Variants in STK3 observed in about 807,000 individuals in gnomAD.
STK3 encodes the protein serine/threonine kinase 3.
Under a neutral mutation model 58.0 loss-of-function variants are expected in STK3, and 41 were observed. That is an observed-to-expected ratio of 0.71 (90% CI 0.55 to 0.92). STK3 has a LOEUF of 0.92. Among genes scored for constraint, STK3 ranks in the 40% least tolerant of loss-of-function variants. The pLI, the probability that STK3 is intolerant of heterozygous loss-of-function variation, is 0.00. For synonymous variants in STK3, 170 were observed against 191.0 expected, an observed-to-expected ratio of 0.89 and a Z score of 0.91; for missense variants, 479 against 602.7, an observed-to-expected ratio of 0.79 and a Z score of 2.15.
chr8:98,654,148 A>C (rs932219018), intron 6 of STK3, among the ~76,000 whole-genome samples: 77 of 152,284 alleles, frequency 5.1e-4, no homozygotes, highest in Admixed American at 3.1e-3. Flanking sequence ...ATCAAGTTGG[A>C]TTCATCCCTG....
chr8:98,709,758 C>G (rs1826250255), intron 4 of STK3, among the ~76,000 whole-genome samples: 1 of 152,088 alleles, frequency 6.6e-6, no homozygotes. Flanking sequence ...ATAAAACACA[C>G]AACTAATATG....
chr8:98,609,930 G>A lies in STK3; in HGVS notation c.685-13761C>T, dbSNP rs185473170. ...AGCCGAGATCAGAGATCGCACCACC[G>A]CACTCCAGCCTGGGTGACACAGTGA... is the stretch of plus-strand genomic sequence containing the variant. On this transcript the variant is annotated intron_variant, in intron 6 of 10. Coordinates refer to ENST00000419617, the MANE Select transcript of STK3 (RefSeq NM_006281.4). Among the ~76,000 whole-genome samples, 1,264 of 149,550 alleles carry A rather than the reference G, an allele frequency of 8.5e-3. 11 individuals carry two copies. The highest frequency in any genetic ancestry group is 0.029 in the African/African-American group (1,189 of 40,516).
chr8:98,487,052 A>C (rs1822326259), intron 10 of STK3, among the ~76,000 whole-genome samples: 2 of 152,238 alleles, frequency 1.3e-5, no homozygotes, highest in Non-Finnish European at 2.9e-5. Context: ...TTCATGAATC[A>C]AGTAATTTTA....
intron 6 of STK3, among the ~76,000 whole-genome samples, chr8:98,610,872 T>C (rs1264896706): frequency 2.6e-5 from 4 of 152,226 alleles, no homozygotes; most frequent in African/African-American, 9.6e-5. Context: ...CGAGTTAAAA[T>C]ATTATGTCAC....
chr8:98,912,431 C>T (rs889828100), intron 1 of STK3, among the ~76,000 whole-genome samples: 4 of 151,748 alleles, frequency 2.6e-5, no homozygotes, highest in South Asian at 2.1e-4. Context: ...TTATCTTGAT[C>T]GCTGGTAAAG....
chr8:98,583,935 T>C (rs1814184878), intron 7 of STK3, among the ~76,000 whole-genome samples: 1 of 152,014 alleles, frequency 6.6e-6, no homozygotes, highest in African/African-American at 2.4e-5. Flanking sequence ...ATACTTCTTT[T>C]AAAAATAGGA....
chr8:98,549,703 G>C (rs1451323652), intron 8 of STK3, among the ~76,000 whole-genome samples: 1 of 151,782 alleles, frequency 6.6e-6, no homozygotes, highest in East Asian at 1.9e-4. Flanking sequence ...ATTCACCAAA[G>C]ATATACTGGA....
intron 1 of STK3, among the ~76,000 whole-genome samples, chr8:98,791,001 A>G (rs1265719960): frequency 1.3e-5 from 2 of 151,754 alleles, no homozygotes; most frequent in Admixed American, 1.3e-4. Flanking sequence ...AAAAAAAGGC[A>G]TTCAAATCGG....
intron 3 of STK3, among the ~76,000 whole-genome samples, chr8:98,421,092 T>C (rs1456672624): frequency 3.3e-5 from 5 of 152,198 alleles, no homozygotes; most frequent in Non-Finnish European, 5.9e-5. Context: ...TTGAGGCTCC[T>C]CCACTCCCTG....
intron 3 of STK3, among the ~76,000 whole-genome samples, chr8:98,869,506 T>C (rs1056797356): frequency 2.6e-5 from 4 of 152,152 alleles, no homozygotes; most frequent in Non-Finnish European, 5.9e-5. Context: ...AATTCAATGA[T>C]AGGTGTCCTT....
chr8:98,774,307 T>C (rs750512732), intron 2 of STK3, among the ~76,000 whole-genome samples: 1 of 152,190 alleles, frequency 6.6e-6, no homozygotes, highest in Non-Finnish European at 1.5e-5. Flanking sequence ...TTCTTCTGCC[T>C]ATATAAACTG....
chr8:98,863,194 T>C (rs1478921697), intron 3 of STK3, among the ~76,000 whole-genome samples: 2 of 152,246 alleles, frequency 1.3e-5, no homozygotes, highest in Non-Finnish European at 2.9e-5. Context: ...TGAAGTATGA[T>C]AGAGATGCAG....
intron 6 of STK3, among the ~76,000 whole-genome samples, chr8:98,685,838 C>G (rs1168633819): frequency 6.7e-6 from 1 of 148,866 alleles, no homozygotes; most frequent in African/African-American, 2.5e-5. Flanking sequence ...TGTCAGGAAA[C>G]AAAAAAATGA....
chr8:98,793,518 G>T (rs1035747320), intron 1 of STK3, among the ~76,000 whole-genome samples: 1 of 152,098 alleles, frequency 6.6e-6, no homozygotes, highest in Non-Finnish European at 1.5e-5. Flanking sequence ...ATCAGAGTGA[G>T]ACAGTCTCAA....
intron 6 of STK3, among the ~76,000 whole-genome samples, chr8:98,675,757 G>A (rs1206697826): frequency 2.0e-5 from 3 of 152,124 alleles, no homozygotes; most frequent in South Asian, 2.1e-4. Flanking sequence ...CCAGCTACTC[G>A]GGAGGCTGAG....
At position 98,800,616 on chromosome 8, in the gene STK3, C is replaced by T. The variant is rs765103752; in HGVS notation, c.26+24899G>A. Among the ~76,000 whole-genome samples the T allele has an allele frequency of 2.6e-5, 4 of 152,154 alleles. No homozygotes were observed. Among genetic ancestry groups the T allele is most frequent in the Non-Finnish European group, 5.9e-5 (4 of 68,020 alleles). ...GAAGCGTGGGCAGGAACCAGGACTG[C>T]GCGCAGCACTCATGGGCCAGCACGA... is the stretch of plus-strand genomic sequence containing the variant. On this transcript the variant is annotated intron_variant, in intron 1 of 10. Transcript: ENST00000419617. This position sits in a 1 kb window ranked among gnomAD's most constrained non-coding sequence, Gnocchi z 4.8.
At chr8:98,421,445 C>G (rs1330378730) in intron 3 of STK3, among the ~76,000 whole-genome samples, 3 of 152,164 alleles carry the variant, frequency 2.0e-5, no homozygotes, top group African/African-American at 7.2e-5. Context: ...TTTGTGGTGA[C>G]TCTAAGTTTA....
chr8:98,905,601 G>T, intron 1 of STK3: 2 of 1,003,528 alleles, frequency 2.0e-6, no homozygotes, highest in Non-Finnish European at 1.6e-6. Context: ...CTTCCCTACT[G>T]CTTGAAAAGA....
intron 6 of STK3, among the ~76,000 whole-genome samples, chr8:98,642,274 T>C (rs2130617867): frequency 6.6e-6 from 1 of 152,242 alleles, no homozygotes; most frequent in African/African-American, 2.4e-5. Flanking sequence ...TAAATGTATT[T>C]ATTGGCACTG....
Sources: gnomAD v4.1 joint callset for allele counts (sites outside exome capture counted in the v4.1 genomes callset) on GRCh38, gnomAD v4.1.1 for gene constraint, Gnocchi (gnomAD v3.1) non-coding constraint, MANE v1.5 for transcripts, NCBI Gene and HGNC (gene_info 2026-07-23, HGNC 2026-07-21) for gene names.